Variants in XK observed in about 807,000 individuals in gnomAD.
XK encodes endoplasmic reticulum membrane adapter protein XK.
In XK, 2 loss-of-function variants were observed where a neutral mutation model predicts 14.0. The observed-to-expected ratio is 0.14, with a 90% CI of 0.06 to 0.45. XK has a LOEUF of 0.45. Ranked by LOEUF, XK falls within the 20% of genes least tolerant of loss-of-function variation. The pLI, the probability that XK is intolerant of heterozygous loss-of-function variation, is 0.98. For missense variants in XK, 235 were observed against 341.5 expected, an observed-to-expected ratio of 0.69 and a Z score of 2.46; for synonymous variants, 149 against 147.5, an observed-to-expected ratio of 1.01 and a Z score of -0.08.
At chrX:37,721,532 TA>T (rs782353649) in intron 2 of XK, among the ~76,000 whole-genome samples, 5 of 111,092 alleles carry the variant, frequency 4.5e-5, no homozygotes, top group East Asian at 2.8e-4. Flanking sequence ...ATGGCTAGAA[TA>T]AAAAAGTTAG....
chrX:37,686,266 C>T, intron 1 of XK, 60 bp downstream of exon 1: 3 of 1,182,343 alleles, frequency 2.5e-6, no homozygotes, highest in Non-Finnish European at 3.4e-6. Context: ...AGCCTGATCT[C>T]CCCACCTGCT....
At chrX:37,703,770 T>G (rs1224623588) in intron 2 of XK, among the ~76,000 whole-genome samples, 2 of 111,899 alleles carry the variant, frequency 1.8e-5, no homozygotes, top group African/African-American at 6.5e-5. Context: ...AAAGAGAAAG[T>G]GTTTAATGTT....
At chrX:37,701,341 TA>T in intron 2 of XK, among the ~76,000 whole-genome samples, 1 of 112,766 alleles carries the variant, frequency 8.9e-6, no homozygotes, top group East Asian at 2.8e-4. Flanking sequence ...CTAAAGCATG[TA>T]CTGTACTTTT....
chrX:37,685,932 G>T lies in XK; in HGVS notation c.-30G>T. ...CCACACAGCCGCCGCCACTGCGTCC[G>T]TCCCCGGTGAGCGCCGCTGACGCGC... On this transcript the variant is annotated 5_prime_UTR_variant, in exon 1 of 3. Transcript: ENST00000378616. The T allele has an allele frequency of 2.5e-6, 3 of 1,195,837 alleles. No homozygotes were observed. The highest frequency in any genetic ancestry group is 3.4e-6 in the Non-Finnish European group (3 of 888,973).
Position 37,718,456 on chromosome X carries a change from C to T in XK, c.509-9180C>T, listed in dbSNP as rs184883351. ...ATAGGATTCCATTGTATGAATATAC[C>T]GCAATGTATTGATACAGTCTGCTTT... On this transcript the variant is annotated intron_variant, in intron 2 of 2. Transcript: ENST00000378616. Among the ~76,000 whole-genome samples the T allele has an allele frequency of 9.8e-5, 11 of 111,757 alleles. No individual in the cohort carries two copies. The East Asian group carries it at 1.1e-3, about 11-fold the overall frequency.
In XK at chrX:37,729,085, G is replaced by T. The variant is rs1280188206; in HGVS notation, c.*623G>T. On this transcript the variant is annotated 3_prime_UTR_variant, in exon 3 of 3. Coordinates refer to ENST00000378616, the MANE Select transcript of XK (RefSeq NM_021083.4). ...TCAAGGGCCTAGATTTGGAGACTTTGTTCCTTAGCATCCATGGATGCAGAA... is the reference window on the plus strand; with the variant it reads ...TCAAGGGCCTAGATTTGGAGACTTTTTTCCTTAGCATCCATGGATGCAGAA... The T allele has an allele frequency of 1.3e-4, 15 of 111,353 alleles. No homozygotes were observed. In the Admixed American group the frequency reaches 1.4e-3, roughly 11 times the overall value. 9.2% of individuals were successfully genotyped at this position (111,353 alleles called of 1,213,427 possible). A position where few individuals can be genotyped will look rare whatever the true frequency, so the allele number is the denominator to read the frequency against.
chrX:37,685,854 T>C lies in XK; in HGVS notation c.-108T>C. On this transcript the variant is annotated 5_prime_UTR_variant, in exon 1 of 3. Coordinates refer to ENST00000378616, the MANE Select transcript of XK (RefSeq NM_021083.4). The stretch of plus-strand genomic sequence containing the variant: ...CGGGCTGCGCAGAGCGCGGGAGCGG[T>C]TTGGGGCTGGGCATGCTGGGAGCCC... The C allele has an allele frequency of 1.1e-6, 1 of 881,292 alleles. No individual in the cohort carries two copies. The highest frequency in any genetic ancestry group is 1.5e-6 in the Non-Finnish European group (1 of 662,991). The allele number at this position is 881,292 out of a possible 1,213,427, so 72.6% of individuals were successfully genotyped here. A position where few individuals can be genotyped will look rare whatever the true frequency, so the allele number is the denominator to read the frequency against.
At chrX:37,716,321 A>T (rs1179699452) in intron 2 of XK, among the ~76,000 whole-genome samples, 1 of 112,157 alleles carries the variant, frequency 8.9e-6, no homozygotes, top group East Asian at 2.8e-4. Context: ...TGTTGTTTAC[A>T]ACCATGGACA....
intron 1 of XK, among the ~76,000 whole-genome samples, chrX:37,690,986 A>G (rs1927190677): frequency 8.9e-6 from 1 of 112,226 alleles, no homozygotes; most frequent in Admixed American, 9.4e-5. Context: ...AGTTTTCCTA[A>G]CCAACAGTGG....
At chrX:37,708,807 C>T (rs1017828527) in intron 2 of XK, among the ~76,000 whole-genome samples, 1 of 112,502 alleles carries the variant, frequency 8.9e-6, no homozygotes, top group East Asian at 2.8e-4. Flanking sequence ...AAACCTCCTA[C>T]AACTTTCTTT....
At chrX:37,724,076 A>G (rs1291512920) in intron 2 of XK, among the ~76,000 whole-genome samples, 2 of 111,604 alleles carry the variant, frequency 1.8e-5, no homozygotes, top group Non-Finnish European at 3.8e-5. Context: ...CCAAAAGACT[A>G]TGAGAAAAAC....
chrX:37,698,427 A>G (rs1197674052), intron 2 of XK, among the ~76,000 whole-genome samples: 1 of 107,885 alleles, frequency 9.3e-6, no homozygotes, highest in Non-Finnish European at 1.9e-5. Flanking sequence ...ACATGGCGAG[A>G]CCCCATCTCT....
chrX:37,719,070 G>C (rs1556448416), intron 2 of XK, among the ~76,000 whole-genome samples: 1 of 110,694 alleles, frequency 9.0e-6, no homozygotes. Context: ...CCTCATTTTT[G>C]TTTTGACAGA....
rs782319817 is a variant in XK, at chrX:37,728,256, A to G, written c.1129A>G (p.Lys377Glu). The change falls in exon 3 of 3, where the codon AAA becomes GAA. Residue 377 changes from lysine to glutamate, a missense_variant. Physicochemically the swap from Lys to Glu is moderately conservative, Grantham distance 56 (BLOSUM62 1). Transcript: ENST00000378616. ...ATTCTATCAGTTCTTCCACCCTTGCAAAAAGCTCTTTTCTTCCAGTGTTTC... is the reference window on the plus strand; with the variant it reads ...ATTCTATCAGTTCTTCCACCCTTGCGAAAAGCTCTTTTCTTCCAGTGTTTC... Reference protein sequence around the residue: ...LVFYQFFHPCKKLFSSSVSEG... With the variant: ...LVFYQFFHPCEKLFSSSVSEG... 12 of 1,209,492 alleles carry G rather than the reference A, an allele frequency of 9.9e-6. No individual in the cohort carries two copies.
chrX:37,698,281 G>A (rs1447875532), intron 2 of XK, among the ~76,000 whole-genome samples: 2 of 110,871 alleles, frequency 1.8e-5, no homozygotes, highest in African/African-American at 6.6e-5. Flanking sequence ...TGTCCCTGAG[G>A]TAGATAATAT....
At chrX:37,698,636 T>C (rs1556443020) in intron 2 of XK, among the ~76,000 whole-genome samples, 1 of 109,313 alleles carries the variant, frequency 9.1e-6, no homozygotes, top group African/African-American at 3.3e-5. Flanking sequence ...TGTGTGACTT[T>C]ATTTATGGAC....
At chrX:37,714,961 G>A (rs1187554625) in intron 2 of XK, among the ~76,000 whole-genome samples, 3 of 110,660 alleles carry the variant, frequency 2.7e-5, no homozygotes, top group Non-Finnish European at 3.8e-5. Context: ...TTGCTCAATC[G>A]TCTACAGCCC....
intron 2 of XK, 101 bp from the exon 3 acceptor site, chrX:37,727,535 G>A (rs1556450257): frequency 2.8e-6 from 2 of 705,879 alleles, no homozygotes; most frequent in African/African-American, 2.1e-5. Flanking sequence ...ACATAAAACA[G>A]AAGAGTCCAA....
chrX:37,706,001 C>T (rs1162685989), intron 2 of XK, among the ~76,000 whole-genome samples: 1 of 109,304 alleles, frequency 9.1e-6, no homozygotes, highest in East Asian at 2.8e-4. Context: ...TTTTTCCATG[C>T]AACTCATCAA....
Sources: allele counts gnomAD v4.1 joint callset (sites outside exome capture counted in the v4.1 genomes callset), GRCh38; gene constraint gnomAD v4.1.1; transcripts MANE v1.5; gene names NCBI Gene and HGNC (gene_info 2026-07-23, HGNC 2026-07-21).